The following PARD3B variants were observed in gnomAD, a reference collection of about 807,000 sequenced individuals.
The protein encoded by PARD3B is par-3 family cell polarity regulator beta.
A neutral mutation model predicts 130.2 loss-of-function variants in PARD3B; 103 were observed. The observed-to-expected ratio is 0.79, with a 90% CI of 0.67 to 0.93. The LOEUF (loss-of-function observed/expected upper bound fraction) is 0.93, where lower values mean the gene tolerates loss of function less well. Ranked by LOEUF, PARD3B falls within the 40% of genes least tolerant of loss-of-function variation. The pLI is 0.00. For synonymous variants in PARD3B, 583 were observed against 553.2 expected (o/e 1.05, Z -0.76); for missense variants, 1,609 against 1,499.2 (o/e 1.07, Z -1.21).
rs71029202 is a variant in PARD3B at position 204,643,115 on chromosome 2, C to CAAAAAAAAAAAAAAAAAAAAAA, written c.121-43045_121-43044insAAAAAAAAAAAAAAAAAAAAAA. Among the ~76,000 whole-genome samples, 106 of 31,794 alleles carry CAAAAAAAAAAAAAAAAAAAAAA rather than the reference C, an allele frequency of 3.3e-3. 20 individuals are homozygous for CAAAAAAAAAAAAAAAAAAAAAA. Among genetic ancestry groups the CAAAAAAAAAAAAAAAAAAAAAA allele is most frequent in the East Asian group, 7.9e-3 (5 of 630 alleles). The allele number at this position is 31,794 out of a possible 152,430, so 20.9% of individuals were successfully genotyped here. A position where few individuals can be genotyped will look rare whatever the true frequency, so the allele number is the denominator to read the frequency against. On this transcript the variant is annotated intron_variant, in intron 1 of 22. Transcript: ENST00000406610. ...GGCGACAGAGGGAGACTCTGTCTCACAAAAAAAAAAAAAAAAAAAAATGTT... is the reference window on the plus strand; with the variant it reads ...GGCGACAGAGGGAGACTCTGTCTCACAAAAAAAAAAAAAAAAAAAAAAAAAAAAAAAAAAAAAAAAAAATGTT...
chr2:204,878,007 C>T (rs1039174177), intron 2 of PARD3B, among the ~76,000 whole-genome samples: 4 of 152,126 alleles, frequency 2.6e-5, no homozygotes, highest in Non-Finnish European at 5.9e-5. Context: ...AAAAAGCTGC[C>T]TCTGCCCTTC....
At chr2:204,549,264 A>G (rs2030262760) in intron 1 of PARD3B, among the ~76,000 whole-genome samples, 1 of 152,138 alleles carries the variant, frequency 6.6e-6, no homozygotes, top group Non-Finnish European at 1.5e-5. Flanking sequence ...GAGAGGTGAG[A>G]ACTGTGGGAT....
intron 6 of PARD3B, among the ~76,000 whole-genome samples, 177 bp from the exon 7 acceptor site, chr2:205,118,744 G>T (rs1575839630): frequency 1.3e-5 from 2 of 152,160 alleles, no homozygotes; most frequent in South Asian, 4.1e-4. Flanking sequence ...TTTTTCTCTT[G>T]TAGTCAGTTT....
intron 19 of PARD3B, among the ~76,000 whole-genome samples, chr2:205,439,107 T>A (rs1051365130): frequency 2.6e-5 from 4 of 152,248 alleles, no homozygotes; most frequent in African/African-American, 7.2e-5. Flanking sequence ...AATGATTTGA[T>A]GTTTTGCAAA....
intron 1 of PARD3B, among the ~76,000 whole-genome samples, chr2:204,579,389 C>T (rs868213517): frequency 1.2e-4 from 19 of 152,010 alleles, no homozygotes; most frequent in South Asian, 2.1e-4. Flanking sequence ...CTTGGTGGTT[C>T]CCAGGGAGCG....
rs977558883 is a variant in PARD3B, at chr2:204,967,410, G to T, written c.394+2087G>T. On this transcript the variant is annotated intron_variant, in intron 3 of 22. Transcript: ENST00000406610. This position sits in a 1 kb window ranked among gnomAD's most constrained non-coding sequence, Gnocchi z 4.4. ...TTCTTTACACTGTGTGCTTTCTCCA[G>T]TCCCTACTGTTGCCAGAGCTGCCTT... 6.6e-6 allele frequency among the ~76,000 whole-genome samples: 1 copy of T among 152,148 alleles called. No individual in the cohort carries two copies. Among genetic ancestry groups the T allele is most frequent in the Non-Finnish European group, 1.5e-5 (1 of 68,032 alleles).
chr2:205,440,700 A>G lies in PARD3B; in HGVS notation c.3044+28A>G. ...AATAAACTTAGTGAAAGATAAATGT[A>G]GCTTTAATTCAGTATGTTTCAAATC... On this transcript the variant is annotated intron_variant, in intron 20 of 22. Transcript: ENST00000406610. This position sits in a 1 kb window ranked among gnomAD's most constrained non-coding sequence, Gnocchi z 4.2. The G allele has an allele frequency of 6.3e-7, 1 of 1,581,532 alleles. No individual in the cohort carries two copies. Among genetic ancestry groups the G allele is most frequent in the Non-Finnish European group, 8.7e-7 (1 of 1,152,042 alleles).
At chr2:205,337,648 A>G (rs13011981) in intron 18 of PARD3B, among the ~76,000 whole-genome samples, 86,231 of 152,036 alleles carry the variant, frequency 0.57, 27,887 homozygotes, top group South Asian at 0.75. Flanking sequence ...AGTCTCTCCC[A>G]AGTTAAATAG....
chr2:205,265,649 A>G lies in PARD3B; in HGVS notation c.2185+19827A>G, dbSNP rs1317798294. On this transcript the variant is annotated intron_variant, in intron 16 of 22. Coordinates refer to ENST00000406610, the MANE Select transcript of PARD3B (RefSeq NM_001302769.2). The surrounding 1 kb of genome is among the most constrained non-coding windows in gnomAD (Gnocchi z 4.3). The stretch of plus-strand genomic sequence containing the variant: ...ATTGTTTTATTCACAAAAAGGAAAA[A>G]CAATATTTTATAGGAAAACATTAGT... 1.3e-5 allele frequency among the ~76,000 whole-genome samples: 2 copies of G among 152,034 alleles called. No individual in the cohort carries two copies. Among genetic ancestry groups the G allele is most frequent in the Non-Finnish European group, 2.9e-5 (2 of 67,938 alleles).
intron 20 of PARD3B, among the ~76,000 whole-genome samples, chr2:205,496,976 G>A (rs2049950131): frequency 6.6e-6 from 1 of 151,954 alleles, no homozygotes; most frequent in Non-Finnish European, 1.5e-5. Flanking sequence ...ATCGACAGAA[G>A]CCTGTGCGTT....
chr2:205,474,537 T>C (rs1014878122), intron 20 of PARD3B, among the ~76,000 whole-genome samples: 6 of 152,184 alleles, frequency 3.9e-5, no homozygotes, highest in African/African-American at 1.4e-4. Context: ...TAACTGTATC[T>C]TAATTTATGT....
chr2:204,996,755 C>T (rs1266436103), intron 3 of PARD3B, among the ~76,000 whole-genome samples: 90 of 149,332 alleles, frequency 6.0e-4, no homozygotes, highest in Non-Finnish European at 1.1e-3. Context: ...TAGGACCCTC[C>T]GAGCCAGGTG....
In PARD3B at chr2:205,351,804, A is replaced by T. The variant is rs920601023; in HGVS notation, c.2631-49209A>T. Among the ~76,000 whole-genome samples the T allele has an allele frequency of 2.6e-5, 4 of 151,464 alleles. No individual in the cohort carries two copies. Among genetic ancestry groups the T allele is most frequent in the African/African-American group, 9.7e-5 (4 of 41,278 alleles). On this transcript the variant is annotated intron_variant, in intron 18 of 22. Transcript: ENST00000406610. This position sits in a 1 kb window ranked among gnomAD's most constrained non-coding sequence, Gnocchi z 4.2. ...GTGTAATGTAGGGCAGAAACAAGAAAAAAAAAAAACGTTGGCTTCCAGAGA... is the reference window on the plus strand; with the variant it reads ...GTGTAATGTAGGGCAGAAACAAGAATAAAAAAAAACGTTGGCTTCCAGAGA...
chr2:204,871,496 GAA>G (rs370050464), intron 2 of PARD3B, among the ~76,000 whole-genome samples: 1 of 151,974 alleles, frequency 6.6e-6, no homozygotes, highest in South Asian at 2.1e-4. Context: ...TCAATGGGGG[GAA>G]AAAAGTTCAA....
At chr2:204,612,755 CT>C in intron 1 of PARD3B, among the ~76,000 whole-genome samples, 2 of 151,474 alleles carry the variant, frequency 1.3e-5, no homozygotes, top group African/African-American at 2.4e-5. Context: ...CCACCCACCC[CT>C]CCCTACTCTT....
At chr2:204,695,618 G>A (rs369984809) in intron 2 of PARD3B, among the ~76,000 whole-genome samples, 5 of 152,070 alleles carry the variant, frequency 3.3e-5, no homozygotes, top group Non-Finnish European at 7.4e-5. Flanking sequence ...AAATGAAAGA[G>A]TGTGTGGTAA....
At chr2:205,063,570 C>A (rs2125461383) in intron 4 of PARD3B, among the ~76,000 whole-genome samples, 1 of 152,208 alleles carries the variant, frequency 6.6e-6, no homozygotes, top group East Asian at 1.9e-4. Flanking sequence ...TTATAAAACA[C>A]CCACAACTAC....
chr2:205,283,286 T>TTTTG (rs1263536314), intron 16 of PARD3B, among the ~76,000 whole-genome samples: 1 of 152,140 alleles, frequency 6.6e-6, no homozygotes, highest in African/African-American at 2.4e-5. Context: ...GCCAAACTTT[T>TTTTG]TTTGTTTGTT....
rs1339749438 is a variant in PARD3B at position 205,244,869 on chromosome 2, T to C, written c.2141-909T>C. Among the ~76,000 whole-genome samples the C allele has an allele frequency of 2.6e-5, 4 of 152,208 alleles. No individual in the cohort carries two copies. Among genetic ancestry groups the C allele is most frequent in the Non-Finnish European group, 4.4e-5 (3 of 68,030 alleles). ...GATGCCCTTCAGTTATGAAGTTTTCTACTCTGGCTGTTGGAAATAGGCACT... is the reference window on the plus strand; with the variant it reads ...GATGCCCTTCAGTTATGAAGTTTTCCACTCTGGCTGTTGGAAATAGGCACT... On this transcript the variant is annotated intron_variant, in intron 15 of 22. Coordinates refer to ENST00000406610, the MANE Select transcript of PARD3B (RefSeq NM_001302769.2). The surrounding 1 kb of genome is among the most constrained non-coding windows in gnomAD (Gnocchi z 4.7).
Sources: allele counts gnomAD v4.1 joint callset (sites outside exome capture counted in the v4.1 genomes callset), GRCh38; gene constraint gnomAD v4.1.1; non-coding constraint Gnocchi (gnomAD v3.1); transcripts MANE v1.5; gene names NCBI Gene and HGNC (gene_info 2026-07-23, HGNC 2026-07-21).